The following NTRK3 variants were observed in gnomAD, a reference collection of about 807,000 sequenced individuals.
NTRK3 encodes NT-3 growth factor receptor.
In NTRK3, 24 loss-of-function variants were observed where a neutral mutation model predicts 91.7. That is an observed-to-expected ratio of 0.26 (90% CI 0.19 to 0.37). The LOEUF is 0.37. NTRK3 is among the 10% of genes least tolerant of loss of function. The probability of loss-of-function intolerance (pLI) is 1.00; values close to 1 mark genes in which losing one functional copy is unlikely to be tolerated. For synonymous variants in NTRK3, 483 were observed against 404.0 expected, an observed-to-expected ratio of 1.20 and a Z score of -2.34; for missense variants, 880 against 1,068.9, an observed-to-expected ratio of 0.82 and a Z score of 2.46.
chr15:87,896,191 G>C (rs2066112693), intron 17 of NTRK3, among the ~76,000 whole-genome samples: 1 of 152,150 alleles, frequency 6.6e-6, no homozygotes, highest in Non-Finnish European at 1.5e-5. Context: ...ATATTTTACA[G>C]GCCAGGTGCA....
intron 3 of NTRK3, among the ~76,000 whole-genome samples, chr15:88,216,845 A>G (rs1188548816): frequency 6.6e-6 from 1 of 152,172 alleles, no homozygotes; most frequent in African/African-American, 2.4e-5. Flanking sequence ...GCTACAGTTG[A>G]CTGTGGAATA....
chr15:88,252,270 T>C (rs753635079), intron 3 of NTRK3, among the ~76,000 whole-genome samples: 8 of 152,040 alleles, frequency 5.3e-5, no homozygotes, highest in Non-Finnish European at 1.0e-4. Context: ...GCTGGGTCAT[T>C]GTCAAGGCTG....
At chr15:88,036,140 G>T (rs1596868743) in intron 13 of NTRK3, among the ~76,000 whole-genome samples, 1 of 152,108 alleles carries the variant, frequency 6.6e-6, no homozygotes, top group Non-Finnish European at 1.5e-5. Flanking sequence ...TACTTACCCA[G>T]TTTCCAGCAC....
exon 19 of NTRK3, chr15:87,864,690 G>T (rs1422085072): frequency 1.7e-5 from 4 of 229,474 alleles, no homozygotes; most frequent in Non-Finnish European, 3.5e-5. Context: ...CATTCTCCAT[G>T]GCTAGATACT....
At chr15:87,981,317 C>A in intron 14 of NTRK3, 2 of 1,605,224 alleles carry the variant, frequency 1.2e-6, no homozygotes, top group Non-Finnish European at 1.7e-6. Context: ...CTCTATTGTC[C>A]TTCAAGTTTA....
chr15:88,062,399 C>T (rs2046299866), intron 13 of NTRK3, among the ~76,000 whole-genome samples: 1 of 152,212 alleles, frequency 6.6e-6, no homozygotes, highest in South Asian at 2.1e-4. Flanking sequence ...ATAAAGACTA[C>T]ATTTCCCACC....
At chr15:88,072,074 C>A (rs1450209806) in intron 13 of NTRK3, among the ~76,000 whole-genome samples, 1 of 146,002 alleles carries the variant, frequency 6.8e-6, no homozygotes, top group African/African-American at 2.6e-5. Context: ...GGTGTGATCT[C>A]GGCTCCCTGT....
intron 14 of NTRK3, among the ~76,000 whole-genome samples, chr15:87,972,375 A>G (rs898526648): frequency 8.5e-5 from 13 of 152,304 alleles, no homozygotes; most frequent in African/African-American, 3.1e-4. Context: ...TTGGAAGAAG[A>G]CAAAAGTCAG....
At chr15:88,002,184 T>G (rs928912717) in intron 14 of NTRK3, among the ~76,000 whole-genome samples, 121 of 148,214 alleles carry the variant, frequency 8.2e-4, no homozygotes, top group Middle Eastern at 6.9e-3. Context: ...TTTTTTTTTT[T>G]TTTTTTTTTT....
At chr15:87,896,052 C>A (rs1327014351) in intron 17 of NTRK3, among the ~76,000 whole-genome samples, 1 of 152,242 alleles carries the variant, frequency 6.6e-6, no homozygotes, top group East Asian at 1.9e-4. Context: ...ATGTCTCATG[C>A]CTCCCTAAAA....
intron 13 of NTRK3, among the ~76,000 whole-genome samples, chr15:88,110,793 A>G (rs1182963761): frequency 2.0e-5 from 3 of 152,126 alleles, no homozygotes; most frequent in Non-Finnish European, 1.5e-5. Flanking sequence ...CCTGGGCCCA[A>G]TTTTCATTTC....
chr15:88,224,883 T>G (rs924825301), intron 3 of NTRK3, among the ~76,000 whole-genome samples: 2 of 152,230 alleles, frequency 1.3e-5, no homozygotes, highest in Non-Finnish European at 2.9e-5. Flanking sequence ...CTCTTGGCAC[T>G]GGAGCTGGAG....
Position 87,886,751 on chromosome 15 carries a change from CAT to C in NTRK3, c.2134-6325_2134-6324del, listed in dbSNP as rs377719175. The stretch of plus-strand genomic sequence containing the variant: ...ACACACACATAAACACACACACACA[CAT>C]ATATATATATATTTCTATGCTGTTT... On this transcript the variant is annotated intron_variant, in intron 17 of 18. Transcript: ENST00000394480. Among the ~76,000 whole-genome samples, 720 of 132,236 alleles carry C rather than the reference CAT, an allele frequency of 5.4e-3. 8 individuals are homozygous for C. Among genetic ancestry groups the C allele is most frequent in the East Asian group, 0.032 (156 of 4,874 alleles). 86.8% of individuals were successfully genotyped at this position (132,236 alleles called of 152,430 possible).
At chr15:88,215,133 C>T (rs140009638) in intron 3 of NTRK3, among the ~76,000 whole-genome samples, 14 of 152,338 alleles carry the variant, frequency 9.2e-5, no homozygotes, top group African/African-American at 3.4e-4. Context: ...ACACCATAAG[C>T]ACTGTGGGTT....
At chr15:87,924,609 A>G (rs574287232) in intron 17 of NTRK3, among the ~76,000 whole-genome samples, 1 of 152,264 alleles carries the variant, frequency 6.6e-6, no homozygotes, top group African/African-American at 2.4e-5. Flanking sequence ...AGGATAATGC[A>G]CTGCTTGATT....
At chr15:88,037,591 G>A (rs927577248) in intron 13 of NTRK3, among the ~76,000 whole-genome samples, 4 of 152,130 alleles carry the variant, frequency 2.6e-5, no homozygotes, top group African/African-American at 9.7e-5. Flanking sequence ...AGCATTCAAA[G>A]AAGGAGAGTG....
intron 6 of NTRK3, among the ~76,000 whole-genome samples, chr15:88,146,913 A>G (rs1164476564): frequency 6.6e-6 from 1 of 152,138 alleles, no homozygotes; most frequent in East Asian, 1.9e-4. Context: ...TCACCCATAA[A>G]ATGCAGAGAA....
intron 14 of NTRK3, among the ~76,000 whole-genome samples, chr15:87,973,656 G>A (rs970782580): frequency 1.3e-5 from 2 of 152,098 alleles, no homozygotes; most frequent in Non-Finnish European, 1.5e-5. Context: ...TGTGGTGGGT[G>A]GGGGAGAGCT....
chr15:88,193,779 CTA>C (rs2047599233), intron 3 of NTRK3, among the ~76,000 whole-genome samples: 2 of 152,172 alleles, frequency 1.3e-5, no homozygotes, highest in South Asian at 4.1e-4. Context: ...TGTCTCTCTG[CTA>C]TGTTTTTCCA....
Sources: allele counts gnomAD v4.1 joint callset (sites outside exome capture counted in the v4.1 genomes callset), GRCh38; gene constraint gnomAD v4.1.1; transcripts MANE v1.5; gene names NCBI Gene and HGNC (gene_info 2026-07-23, HGNC 2026-07-21).